The following UBE2V2 variants were observed in gnomAD, a reference collection of about 807,000 sequenced individuals.
UBE2V2 encodes the protein ubiquitin conjugating enzyme E2 V2.
A neutral mutation model predicts 17.2 loss-of-function variants in UBE2V2; 9 were observed. That is an observed-to-expected ratio of 0.52 (90% CI 0.32 to 0.91). The LOEUF is 0.91. Ranked by LOEUF, UBE2V2 falls within the 40% of genes least tolerant of loss-of-function variation. The pLI is 0.04. For synonymous variants in UBE2V2, 61 were observed against 57.5 expected (o/e 1.06, Z -0.28); for missense variants, 133 against 182.6 (o/e 0.73, Z 1.56).
chr8:48,015,596 C>T (rs1427094850), intron 1 of UBE2V2, among the ~76,000 whole-genome samples: 1 of 152,078 alleles, frequency 6.6e-6, no homozygotes, highest in Non-Finnish European at 1.5e-5. Context: ...CTTGTTCCTC[C>T]TGACTGTAAT....
chr8:48,008,359 A>T, upstream of UBE2V2: 1 of 1,439,598 alleles, frequency 6.9e-7, no homozygotes, highest in Non-Finnish European at 9.1e-7. Context: ...CCGGGGGCGG[A>T]GTCCGCTGTG....
chr8:47,999,113 C>T, the UBE2V2 span, among the ~76,000 whole-genome samples: 1 of 152,136 alleles, frequency 6.6e-6, no homozygotes, highest in Admixed American at 6.5e-5. Context: ...CGGCTGGCTT[C>T]ACCATGGCCC....
chr8:48,047,737 G>A (rs905896062), intron 2 of UBE2V2, among the ~76,000 whole-genome samples: 4 of 151,820 alleles, frequency 2.6e-5, no homozygotes, highest in African/African-American at 9.7e-5. Flanking sequence ...TAATAGAGAC[G>A]GGGTTTCACC....
intron 2 of UBE2V2, among the ~76,000 whole-genome samples, chr8:48,046,091 C>T (rs2091496757): frequency 6.6e-6 from 1 of 152,144 alleles, no homozygotes; most frequent in African/African-American, 2.4e-5. Context: ...GGATTACAGG[C>T]ATGTGCCACC....
intron 1 of UBE2V2, chr8:48,035,157 C>T (rs1021906319): frequency 1.2e-4 from 121 of 972,044 alleles, no homozygotes; most frequent in African/African-American, 3.1e-4. Flanking sequence ...ACTCTGTCGC[C>T]GAGGCTGTAG....
At chr8:48,047,564 T>A (rs1002942037) in intron 2 of UBE2V2, among the ~76,000 whole-genome samples, 67 of 139,598 alleles carry the variant, frequency 4.8e-4, no homozygotes, top group Non-Finnish European at 7.7e-4. Flanking sequence ...TTAATTAAAA[T>A]TTTTTTTTTT....
intron 1 of UBE2V2, among the ~76,000 whole-genome samples, chr8:48,016,136 A>G (rs968519865): frequency 7.9e-5 from 12 of 152,148 alleles, no homozygotes; most frequent in South Asian, 4.1e-4. Context: ...ACCTCAAGCA[A>G]TCCATCTGCC....
chr8:48,019,148 C>T (rs1032224264), intron 1 of UBE2V2, among the ~76,000 whole-genome samples: 7 of 151,842 alleles, frequency 4.6e-5, no homozygotes, highest in Non-Finnish European at 7.4e-5. Flanking sequence ...AGGTGGAGCA[C>T]GAGGTTGGGA....
chr8:48,058,471 T>C (rs2091587413), intron 3 of UBE2V2, among the ~76,000 whole-genome samples: 2 of 150,750 alleles, frequency 1.3e-5, no homozygotes, highest in Admixed American at 1.3e-4. Flanking sequence ...CTTGGGAGGC[T>C]GAGGTGGGAG....
the UBE2V2 span, among the ~76,000 whole-genome samples, chr8:47,998,321 G>A: frequency 3.3e-5 from 5 of 152,006 alleles, no homozygotes; most frequent in Non-Finnish European, 5.9e-5. Context: ...AGGGGCGCAC[G>A]TAGAAGAAGA....
upstream of UBE2V2, among the ~76,000 whole-genome samples, chr8:48,006,831 T>A (rs574241972): frequency 3.5e-4 from 53 of 152,204 alleles, no homozygotes; most frequent in Non-Finnish European, 6.3e-4. Flanking sequence ...ACAGCCAATA[T>A]CATACTGAAT....
chr8:48,011,103 C>T (rs2091227333), intron 1 of UBE2V2, among the ~76,000 whole-genome samples: 1 of 151,878 alleles, frequency 6.6e-6, no homozygotes, highest in African/African-American at 2.4e-5. Flanking sequence ...GTAAATAGTA[C>T]CTGTGTATTT....
intron 1 of UBE2V2, among the ~76,000 whole-genome samples, chr8:48,027,915 G>A (rs181856495): frequency 3.0e-4 from 46 of 152,020 alleles, no homozygotes; most frequent in African/African-American, 8.7e-4. Context: ...GTGCAATGGC[G>A]CGGTCTTGGC....
chr8:48,043,298 T>C, intron 2 of UBE2V2, 117 bp downstream of exon 2: 1 of 829,744 alleles, frequency 1.2e-6, no homozygotes, highest in Non-Finnish European at 1.6e-6. Context: ...AGTTCCTTTT[T>C]ATTTTGTTTA....
At chr8:48,039,826 T>C (rs1408658544) in intron 1 of UBE2V2, among the ~76,000 whole-genome samples, 2 of 152,002 alleles carry the variant, frequency 1.3e-5, no homozygotes, top group Non-Finnish European at 2.9e-5. Context: ...TTGACCTCCC[T>C]GGGCTCAGGT....
intron 1 of UBE2V2, among the ~76,000 whole-genome samples, chr8:48,013,072 C>T (rs1024849729): frequency 3.3e-5 from 5 of 152,046 alleles, no homozygotes; most frequent in African/African-American, 1.2e-4. Flanking sequence ...GTTTCAAACT[C>T]CTGGCCTCAT....
chr8:48,028,560 A>T lies in UBE2V2; in HGVS notation c.17-14473A>T, dbSNP rs573123703. Among the ~76,000 whole-genome samples, 448 of 151,684 alleles carry T rather than the reference A, an allele frequency of 3.0e-3. 3 individuals are homozygous for T. The highest frequency in any genetic ancestry group is 0.011 in the African/African-American group (439 of 41,386). On this transcript the variant is annotated intron_variant, in intron 1 of 3. Coordinates refer to ENST00000523111, the MANE Select transcript of UBE2V2 (RefSeq NM_003350.3). ...ACCATGTTGGTCAGGCTAATCTCGA[A>T]CTCCTGACCTCAGGTGATCTGCCCA...
the UBE2V2 span, among the ~76,000 whole-genome samples, chr8:47,998,410 C>T: frequency 6.6e-6 from 1 of 151,950 alleles, no homozygotes; most frequent in African/African-American, 2.4e-5. Flanking sequence ...AAGGTAACCG[C>T]CGTGTCAGGT....
intron 2 of UBE2V2, among the ~76,000 whole-genome samples, chr8:48,046,132 T>A (rs1050580660): frequency 3.3e-5 from 5 of 152,118 alleles, no homozygotes; most frequent in African/African-American, 7.2e-5. Flanking sequence ...TTTTATTTTT[T>A]TTTTTGAGAC....
Sources: gnomAD v4.1 joint callset for allele counts (sites outside exome capture counted in the v4.1 genomes callset) on GRCh38, gnomAD v4.1.1 for gene constraint, MANE v1.5 for transcripts, NCBI Gene and HGNC (gene_info 2026-07-23, HGNC 2026-07-21) for gene names.